Variants in RASGEF1C observed in about 807,000 individuals in gnomAD.
The protein encoded by RASGEF1C is ras-GEF domain-containing family member 1C.
A neutral mutation model predicts 58.1 loss-of-function variants in RASGEF1C; 27 were observed. The observed-to-expected ratio is 0.46, with a 90% CI of 0.34 to 0.64. The LOEUF is 0.64. RASGEF1C is among the 30% of genes least tolerant of loss of function. The pLI is 0.01. For synonymous variants in RASGEF1C, 243 were observed against 246.3 expected, an observed-to-expected ratio of 0.99 and a Z score of 0.13; for missense variants, 502 against 605.1, an observed-to-expected ratio of 0.83 and a Z score of 1.79.
intron 10 of RASGEF1C, among the ~76,000 whole-genome samples, chr5:180,118,337 G>A (rs1217475892): frequency 1.0e-4 from 15 of 149,806 alleles, no homozygotes; most frequent in African/African-American, 3.5e-4. Context: ...AGACGAAGTG[G>A]CCTCACTCGT....
intron 8 of RASGEF1C, 135 bp from the exon 9 acceptor site, chr5:180,119,001 G>A: frequency 2.5e-6 from 2 of 792,652 alleles, no homozygotes; most frequent in South Asian, 1.5e-5. Context: ...GGGTGGGTGA[G>A]GGGGTGCTGG....
intron 1 of RASGEF1C, among the ~76,000 whole-genome samples, chr5:180,190,489 C>CAAAAAAAAA (rs869186264): frequency 2.6e-5 from 2 of 77,592 alleles, no homozygotes; most frequent in African/African-American, 4.6e-5. Flanking sequence ...GACTCCGTCT[C>CAAAAAAAAA]AAAAAAAAAA....
intron 4 of RASGEF1C, 54 bp from the exon 5 acceptor site, chr5:180,128,664 A>C: frequency 6.4e-7 from 1 of 1,553,270 alleles, no homozygotes. Context: ...CTGCATCTCT[A>C]ACACTGGAAC....
chr5:180,134,787 C>T (rs1766439639), intron 4 of RASGEF1C, among the ~76,000 whole-genome samples: 1 of 44,420 alleles, frequency 2.3e-5, no homozygotes, highest in South Asian at 9.7e-4. Flanking sequence ...CCCCCAACCC[C>T]CCAACAGAAC....
intron 1 of RASGEF1C, among the ~76,000 whole-genome samples, chr5:180,207,372 C>T (rs1023904884): frequency 2.0e-5 from 3 of 152,212 alleles, no homozygotes; most frequent in Non-Finnish European, 4.4e-5. Flanking sequence ...GGCCTAGAGG[C>T]GGCGAGTGCA....
In RASGEF1C at chr5:180,183,822, CAATAAATA is replaced by C. The variant is rs56828482; in HGVS notation, c.-7+25198_-7+25205del. 5.0e-4 allele frequency among the ~76,000 whole-genome samples: 75 copies of C among 149,538 alleles called. 1 individual carries two copies. The highest frequency in any genetic ancestry group is 1.4e-3 in the African/African-American group (58 of 40,442). On this transcript the variant is annotated intron_variant, in intron 1 of 13. Coordinates refer to ENST00000361132, the MANE Select transcript of RASGEF1C (RefSeq NM_175062.4). Reference sequence around the variant, plus strand: ...GGGAAACAAGAGCAAAACTCCATCTCAATAAATAAATAAATAAATAAATAAATAGATTT... The same window carrying C: ...GGGAAACAAGAGCAAAACTCCATCTCAATAAATAAATAAATAAATAGATTT...
intron 1 of RASGEF1C, among the ~76,000 whole-genome samples, chr5:180,191,930 T>G (rs1279236337): frequency 6.6e-6 from 1 of 152,182 alleles, no homozygotes; most frequent in Non-Finnish European, 1.5e-5. Context: ...CCACGCTCAC[T>G]GGTTGTTGGC....
intron 8 of RASGEF1C, 116 bp from the exon 9 acceptor site, chr5:180,118,982 T>A: frequency 1.1e-6 from 1 of 940,292 alleles, no homozygotes; most frequent in South Asian, 1.4e-5. Context: ...GCTCAGCCTG[T>A]CACATGGTGG....
chr5:180,140,241 G>A (rs1766554180), intron 1 of RASGEF1C, among the ~76,000 whole-genome samples: 1 of 152,206 alleles, frequency 6.6e-6, no homozygotes, highest in African/African-American at 2.4e-5. Context: ...GGGCTGGGCT[G>A]CCAGTGGTCC....
At chr5:180,111,022 G>A (rs1765951622) in intron 12 of RASGEF1C, among the ~76,000 whole-genome samples, 1 of 152,080 alleles carries the variant, frequency 6.6e-6, no homozygotes, top group Non-Finnish European at 1.5e-5. Flanking sequence ...CAACATGTTG[G>A]TTAGGCTGGT....
chr5:180,191,658 A>C (rs1031831341), intron 1 of RASGEF1C, among the ~76,000 whole-genome samples: 1 of 152,182 alleles, frequency 6.6e-6, no homozygotes, highest in Non-Finnish European at 1.5e-5. Flanking sequence ...GCCCGGCCAC[A>C]GTGGCTTATT....
intron 1 of RASGEF1C, among the ~76,000 whole-genome samples, chr5:180,142,236 A>G (rs542969182): frequency 2.2e-4 from 34 of 152,144 alleles, no homozygotes; most frequent in East Asian, 3.9e-4. Flanking sequence ...TGAACTAGAT[A>G]TATGCACGGT....
intron 1 of RASGEF1C, among the ~76,000 whole-genome samples, chr5:180,162,072 G>A (rs1303599852): frequency 6.6e-6 from 1 of 152,246 alleles, no homozygotes; most frequent in Non-Finnish European, 1.5e-5. Flanking sequence ...GACCTTCAGG[G>A]TGGCCTCATG....
intron 4 of RASGEF1C, 113 bp downstream of exon 4, chr5:180,136,265 G>C (rs1310479836): frequency 1.8e-6 from 2 of 1,106,974 alleles, no homozygotes; most frequent in African/African-American, 1.6e-5. Flanking sequence ...GGATTTGGAC[G>C]GGCCGTGGTG....
intron 1 of RASGEF1C, among the ~76,000 whole-genome samples, chr5:180,175,099 C>T (rs566007186): frequency 6.3e-4 from 96 of 152,220 alleles, no homozygotes; most frequent in Non-Finnish European, 1.1e-3. Context: ...CACCAGGGAC[C>T]CAGCCGCCAT....
At chr5:180,136,612 C>A in intron 3 of RASGEF1C, 97 bp from the exon 4 acceptor site, 1 of 1,374,114 alleles carries the variant, frequency 7.3e-7, no homozygotes, top group East Asian at 2.6e-5. Context: ...CCGGGGCAGG[C>A]AGGGCCTCGT....
chr5:180,113,634 A>C (rs1561731371), intron 11 of RASGEF1C, among the ~76,000 whole-genome samples: 17 of 64,860 alleles, frequency 2.6e-4, no homozygotes, highest in East Asian at 5.3e-4. Context: ...GGATCCGGGG[A>C]TGGACGGAGT....
At chr5:180,121,198 T>A (rs1282239387) in intron 6 of RASGEF1C, 49 bp from the exon 7 acceptor site, 1 of 1,326,630 alleles carries the variant, frequency 7.5e-7, no homozygotes, top group Admixed American at 1.7e-5. Context: ...TTTTTGTCTA[T>A]CATCTTTTAG....
chr5:180,137,820 C>A lies in RASGEF1C; in HGVS notation c.177+56G>T. On this transcript the variant is annotated intron_variant, in intron 2 of 13. Transcript: ENST00000361132. The surrounding 1 kb of genome is among the most constrained non-coding windows in gnomAD (Gnocchi z 4.1). ...CCAAGGTCACGCCCAACCCTGATGC[C>A]CCCCGTGCGTGGTGGAGGAGAGCCC... 3 of 1,602,342 alleles carry A rather than the reference C, an allele frequency of 1.9e-6. No individual in the cohort carries two copies. Among genetic ancestry groups the A allele is most frequent in the African/African-American group, 2.7e-5 (2 of 74,914 alleles).
Sources: allele counts gnomAD v4.1 joint callset (sites outside exome capture counted in the v4.1 genomes callset), GRCh38; gene constraint gnomAD v4.1.1; non-coding constraint Gnocchi (gnomAD v3.1); transcripts MANE v1.5; gene names NCBI Gene and HGNC (gene_info 2026-07-23, HGNC 2026-07-21).